Variants in SPIDR observed in about 807,000 individuals in gnomAD.
SPIDR encodes the protein DNA repair-scaffolding protein.
SPIDR carries 93 observed loss-of-function variants against 104.6 expected under a neutral mutation model. The observed-to-expected ratio is 0.89, with a 90% CI of 0.75 to 1.06. SPIDR has a LOEUF of 1.06. Among genes scored for constraint, SPIDR ranks in the 50% least tolerant of loss-of-function variants. The pLI is 0.00. For missense variants in SPIDR, 1,154 were observed against 1,111.2 expected (o/e 1.04, Z -0.55); for synonymous variants, 431 against 416.9 (o/e 1.03, Z -0.41).
intron 10 of SPIDR, among the ~76,000 whole-genome samples, chr8:47,658,418 C>CA (rs879442948): frequency 0.071 from 9,285 of 130,864 alleles, 877 homozygotes; most frequent in African/African-American, 0.23. Flanking sequence ...AACTCCATCT[C>CA]AAAAAAAAAA....
At chr8:47,595,235 C>T (rs1366414763) in intron 8 of SPIDR, among the ~76,000 whole-genome samples, 4 of 152,144 alleles carry the variant, frequency 2.6e-5, no homozygotes, top group African/African-American at 9.7e-5. Flanking sequence ...TATTAAGCAG[C>T]GCCATGTTTT....
intron 5 of SPIDR, among the ~76,000 whole-genome samples, chr8:47,294,690 G>T (rs1419575074): frequency 7.9e-5 from 12 of 152,158 alleles, no homozygotes; most frequent in African/African-American, 2.7e-4. Flanking sequence ...GAACGCAATG[G>T]TGCGATCGTA....
intron 8 of SPIDR, among the ~76,000 whole-genome samples, chr8:47,522,170 C>T: frequency 7.2e-6 from 1 of 139,214 alleles, no homozygotes; most frequent in Non-Finnish European, 1.5e-5. Flanking sequence ...GAGAGTCTGT[C>T]TCAAAAAAAA....
chr8:47,291,638 A>AG (rs1453062393), intron 4 of SPIDR, among the ~76,000 whole-genome samples: 15 of 152,350 alleles, frequency 9.8e-5, no homozygotes, highest in Middle Eastern at 3.4e-3. Flanking sequence ...TCTAAGAGAT[A>AG]GGTATTACAG....
chr8:47,327,920 A>AC (rs560283650), intron 5 of SPIDR, among the ~76,000 whole-genome samples: 1 of 146,078 alleles, frequency 6.8e-6, no homozygotes, highest in Non-Finnish European at 1.5e-5. Context: ...CTTGTCTTGA[A>AC]CCCCTGAGCT....
At chr8:47,422,016 C>G (rs1025262136) in intron 7 of SPIDR, among the ~76,000 whole-genome samples, 4 of 152,164 alleles carry the variant, frequency 2.6e-5, no homozygotes, top group African/African-American at 7.2e-5. Flanking sequence ...TCAGTCTGCC[C>G]CTACTCAGGG....
At chr8:47,696,379 C>T (rs530412235) in intron 11 of SPIDR, among the ~76,000 whole-genome samples, 2 of 152,268 alleles carry the variant, frequency 1.3e-5, no homozygotes, top group South Asian at 4.1e-4. Flanking sequence ...TAAATATCTC[C>T]ATTTGTTTAT....
chr8:47,403,517 C>T (rs993893416), intron 6 of SPIDR, among the ~76,000 whole-genome samples: 1 of 152,266 alleles, frequency 6.6e-6, no homozygotes, highest in Non-Finnish European at 1.5e-5. Context: ...TCTTGGGATA[C>T]AAAATCAATG....
chr8:47,306,615 G>A (rs1662345704), intron 5 of SPIDR, among the ~76,000 whole-genome samples: 1 of 152,170 alleles, frequency 6.6e-6, no homozygotes, highest in Non-Finnish European at 1.5e-5. Flanking sequence ...GTCAGATCTA[G>A]TTGGTTATTG....
chr8:47,433,357 C>T (rs144775216), intron 7 of SPIDR, among the ~76,000 whole-genome samples: 1 of 152,218 alleles, frequency 6.6e-6, no homozygotes, highest in Non-Finnish European at 1.5e-5. Context: ...TCCCTGCTGG[C>T]TTCCCATCAC....
chr8:47,312,421 G>A (rs1388227777), intron 5 of SPIDR, among the ~76,000 whole-genome samples: 2 of 152,186 alleles, frequency 1.3e-5, no homozygotes, highest in Non-Finnish European at 2.9e-5. Context: ...TCTAACTGGT[G>A]TGAGATGGTA....
intron 5 of SPIDR, among the ~76,000 whole-genome samples, chr8:47,329,993 G>A (rs2048376348): frequency 6.6e-6 from 1 of 152,206 alleles, no homozygotes; most frequent in African/African-American, 2.4e-5. Flanking sequence ...CACATATGCT[G>A]AGTTTTAATT....
rs181107995 is a variant in SPIDR at position 47,720,008 on chromosome 8, C to G, written c.2341+6367C>G. Among the ~76,000 whole-genome samples the G allele has an allele frequency of 3.0e-3, 452 of 152,324 alleles. 3 individuals are homozygous for G. The highest frequency in any genetic ancestry group is 0.01 in the African/African-American group (430 of 41,554). Reference sequence around the variant, plus strand: ...CCACCCTAAAAATCCTGTGCTCTGGCTCTTCATCCCTCCCTCCCCACTGAC... The same window carrying G: ...CCACCCTAAAAATCCTGTGCTCTGGGTCTTCATCCCTCCCTCCCCACTGAC... On this transcript the variant is annotated intron_variant, in intron 16 of 19. Coordinates refer to ENST00000297423, the MANE Select transcript of SPIDR (RefSeq NM_001080394.4).
intron 7 of SPIDR, among the ~76,000 whole-genome samples, chr8:47,419,737 CT>C (rs1412215872): frequency 2.0e-5 from 3 of 152,072 alleles, no homozygotes; most frequent in Non-Finnish European, 2.9e-5. Context: ...ATCTTTCCTG[CT>C]TTCTCTTGTG....
intron 5 of SPIDR, among the ~76,000 whole-genome samples, chr8:47,349,083 T>C (rs1156821072): frequency 6.6e-6 from 1 of 152,240 alleles, no homozygotes; most frequent in Non-Finnish European, 1.5e-5. Context: ...CCCAACTTTG[T>C]GGTTTTATCT....
In SPIDR at chr8:47,396,364, A is replaced by G. The variant is rs782701257; in HGVS notation, c.526-12A>G. On this transcript the variant is annotated splice_polypyrimidine_tract_variant and intron_variant, in intron 5 of 19. Transcript: ENST00000297423. ...TATTTAAAAATATGCCTTTCTTTTA[A>G]TTTTTTTTCAGCCAAGTTCTATAGA... is the stretch of plus-strand genomic sequence containing the variant. 1.0e-5 allele frequency: 16 copies of G among 1,567,628 alleles called. No homozygotes were observed. Among genetic ancestry groups the G allele is most frequent in the Non-Finnish European group, 1.3e-5 (15 of 1,143,188 alleles).
At position 47,640,717 on chromosome 8, in the gene SPIDR, G is replaced by A. The variant is rs555886442; in HGVS notation, c.1545-33084G>A. 3.0e-4 allele frequency among the ~76,000 whole-genome samples: 45 copies of A among 151,684 alleles called. No homozygotes were observed. In the South Asian group the frequency reaches 6.9e-3, roughly 23 times the overall value. On this transcript the variant is annotated intron_variant, in intron 10 of 19. Coordinates refer to ENST00000297423, the MANE Select transcript of SPIDR (RefSeq NM_001080394.4). The stretch of plus-strand genomic sequence containing the variant: ...TTTTGAGACGGAGCCTCGCTCTATC[G>A]CCCAGGCTGGAGTGCAGTGGCACGA...
intron 5 of SPIDR, among the ~76,000 whole-genome samples, chr8:47,335,757 A>G (rs536661547): frequency 1.3e-5 from 2 of 152,268 alleles, no homozygotes; most frequent in South Asian, 2.1e-4. Flanking sequence ...GCCTCTCACA[A>G]CAGTTTAAAC....
chr8:47,341,501 G>A (rs1401901641), intron 5 of SPIDR, among the ~76,000 whole-genome samples: 2 of 151,926 alleles, frequency 1.3e-5, no homozygotes, highest in African/African-American at 2.4e-5. Context: ...ATTTAAATTA[G>A]TAATAATAGG....
Sources: allele counts gnomAD v4.1 joint callset (sites outside exome capture counted in the v4.1 genomes callset), GRCh38; gene constraint gnomAD v4.1.1; transcripts MANE v1.5; gene names NCBI Gene and HGNC (gene_info 2026-07-23, HGNC 2026-07-21).